Variants in GALNT10 observed in about 807,000 individuals in gnomAD.
The protein encoded by GALNT10 is polypeptide N-acetylgalactosaminyltransferase 10.
A neutral mutation model predicts 75.0 loss-of-function variants in GALNT10; 41 were observed. The ratio of observed to expected loss-of-function variants is 0.55; its 90% CI spans 0.43 to 0.71. The LOEUF (loss-of-function observed/expected upper bound fraction) is 0.71. Ranked by LOEUF, GALNT10 falls within the 30% of genes least tolerant of loss-of-function variation. GALNT10 has a pLI of 0.00. For missense variants in GALNT10, 727 were observed against 818.5 expected (o/e 0.89, Z 1.36); for synonymous variants, 302 against 313.0 (o/e 0.96, Z 0.37).
intron 4 of GALNT10, among the ~76,000 whole-genome samples, chr5:154,365,562 C>T (rs557489208): frequency 1.3e-5 from 2 of 152,258 alleles, no homozygotes; most frequent in South Asian, 4.1e-4. Flanking sequence ...CCTGAAAGAA[C>T]CCACGTGCAC....
At chr5:154,355,252 C>A (rs76762598) in intron 4 of GALNT10, among the ~76,000 whole-genome samples, 1 of 152,320 alleles carries the variant, frequency 6.6e-6, no homozygotes, top group East Asian at 1.9e-4. Flanking sequence ...GCTCCTCCCC[C>A]CTCACCCTCT....
At chr5:154,210,003 A>AT (rs973529137) in intron 1 of GALNT10, among the ~76,000 whole-genome samples, 1 of 151,934 alleles carries the variant, frequency 6.6e-6, no homozygotes, top group Non-Finnish European at 1.5e-5. Context: ...TAAATGAGTT[A>AT]TTTTTTTAAA....
At chr5:154,232,764 A>G (rs753887865) in intron 1 of GALNT10, among the ~76,000 whole-genome samples, 3 of 152,234 alleles carry the variant, frequency 2.0e-5, no homozygotes, top group Non-Finnish European at 2.9e-5. Context: ...CAAGTAACAG[A>G]CATGTGGTCA....
At chr5:154,218,163 T>C (rs1211135545) in intron 1 of GALNT10, 1 of 984,194 alleles carries the variant, frequency 1.0e-6, no homozygotes, top group Non-Finnish European at 1.2e-6. Flanking sequence ...GGGATGACAT[T>C]TTCTAACAAG....
At chr5:154,404,032 GGGATGCT>G in intron 7 of GALNT10, 65 bp from the exon 8 acceptor site, 1 of 1,178,814 alleles carries the variant, frequency 8.5e-7, no homozygotes, top group Non-Finnish European at 1.3e-6. Flanking sequence ...AGTGCACTAA[GGGATGCT>G]GGCCTGGCGG....
At chr5:154,270,319 A>G (rs540171741) in intron 1 of GALNT10, among the ~76,000 whole-genome samples, 7 of 149,808 alleles carry the variant, frequency 4.7e-5, no homozygotes, top group African/African-American at 1.7e-4. Context: ...ACTTAGTTCT[A>G]TGTAGTCTAA....
chr5:154,195,847 T>C (rs1480415078), intron 1 of GALNT10, among the ~76,000 whole-genome samples: 4 of 152,250 alleles, frequency 2.6e-5, no homozygotes, highest in African/African-American at 9.6e-5. Context: ...AATTATCTGC[T>C]GGAACCTATC....
intron 1 of GALNT10, among the ~76,000 whole-genome samples, chr5:154,258,739 C>T (rs506674): frequency 0.24 from 37,159 of 151,960 alleles, 5,524 homozygotes; most frequent in African/African-American, 0.42. Context: ...GGTATTATGG[C>T]CTGGCTATTC....
At chr5:154,225,957 G>C (rs1190049239) in intron 1 of GALNT10, among the ~76,000 whole-genome samples, 1 of 152,020 alleles carries the variant, frequency 6.6e-6, no homozygotes, top group Admixed American at 6.5e-5. Flanking sequence ...CACAGGAAGG[G>C]GAACATCACA....
At chr5:154,234,104 T>C (rs2113664150) in intron 1 of GALNT10, among the ~76,000 whole-genome samples, 1 of 152,352 alleles carries the variant, frequency 6.6e-6, no homozygotes, top group East Asian at 1.9e-4. Flanking sequence ...CCCTCCTCTC[T>C]GGTGGTGGAG....
At chr5:154,335,088 C>T (rs149666677) in intron 4 of GALNT10, among the ~76,000 whole-genome samples, 1 of 152,350 alleles carries the variant, frequency 6.6e-6, no homozygotes, top group Non-Finnish European at 1.5e-5. Context: ...GACACCACCA[C>T]AACTTGTTAG....
At chr5:154,377,001 A>G (rs920009409) in intron 5 of GALNT10, among the ~76,000 whole-genome samples, 10 of 152,246 alleles carry the variant, frequency 6.6e-5, no homozygotes, top group Non-Finnish European at 1.5e-4. Flanking sequence ...TGTCAAAGTC[A>G]CCATCTGTCG....
intron 1 of GALNT10, among the ~76,000 whole-genome samples, chr5:154,285,226 G>A (rs1754094545): frequency 6.6e-6 from 1 of 152,086 alleles, no homozygotes; most frequent in Non-Finnish European, 1.5e-5. Context: ...GGGCCTCCAG[G>A]GACACTGTGA....
chr5:154,238,940 A>G (rs925390766), intron 1 of GALNT10, among the ~76,000 whole-genome samples: 2 of 151,992 alleles, frequency 1.3e-5, no homozygotes, highest in African/African-American at 4.8e-5. Flanking sequence ...AGGTTCTGTT[A>G]TTTTCCTCCT....
chr5:154,203,262 G>A (rs1044366120), intron 1 of GALNT10, among the ~76,000 whole-genome samples: 7 of 151,614 alleles, frequency 4.6e-5, no homozygotes, highest in African/African-American at 1.7e-4. Flanking sequence ...ACCTCCCCCC[G>A]CAACCCCCAT....
chr5:154,259,149 A>G (rs185821914), intron 1 of GALNT10, among the ~76,000 whole-genome samples: 26 of 152,160 alleles, frequency 1.7e-4, no homozygotes, highest in South Asian at 2.1e-4. Context: ...CATTCAACCC[A>G]TTACATTTAG....
At chr5:154,266,719 A>T (rs1481448508) in intron 1 of GALNT10, among the ~76,000 whole-genome samples, 1 of 152,072 alleles carries the variant, frequency 6.6e-6, no homozygotes, top group Non-Finnish European at 1.5e-5. Flanking sequence ...TATAAAAATA[A>T]AAATAAAAAA....
At chr5:154,194,771 A>G (rs1352386322) in intron 1 of GALNT10, among the ~76,000 whole-genome samples, 1 of 152,210 alleles carries the variant, frequency 6.6e-6, no homozygotes, top group Non-Finnish European at 1.5e-5. Context: ...CCTTTTCATT[A>G]CTAATACCAG....
chr5:154,264,240 G>C (rs1266138687), intron 1 of GALNT10, among the ~76,000 whole-genome samples: 2 of 149,998 alleles, frequency 1.3e-5, no homozygotes, highest in Non-Finnish European at 2.9e-5. Flanking sequence ...TTGAACCTGG[G>C]AGGCGGAGGT....
Sources: allele counts gnomAD v4.1 joint callset (sites outside exome capture counted in the v4.1 genomes callset), GRCh38; gene constraint gnomAD v4.1.1; transcripts MANE v1.5; gene names NCBI Gene and HGNC (gene_info 2026-07-23, HGNC 2026-07-21).